PTPRD: variants seen among roughly 807,000 people sequenced by gnomAD.
The protein encoded by PTPRD is protein tyrosine phosphatase receptor type D.
Under a neutral mutation model 214.5 loss-of-function variants are expected in PTPRD, and 34 were observed. That is an observed-to-expected ratio of 0.16 (90% CI 0.12 to 0.21). PTPRD has a LOEUF of 0.21. Among genes scored for constraint, PTPRD ranks in the 10% least tolerant of loss-of-function variants. PTPRD has a pLI of 1.00. For synonymous variants in PTPRD, 1,128 were observed against 845.7 expected (o/e 1.33, Z -5.79); for missense variants, 2,545 against 2,398.7 (o/e 1.06, Z -1.27).
chr9:10,031,452 T>C (rs533418282), intron 4 of PTPRD, among the ~76,000 whole-genome samples: 1 of 151,260 alleles, frequency 6.6e-6, no homozygotes, highest in South Asian at 2.1e-4. Context: ...GGCGAGACTG[T>C]CCCAGCCTCC....
intron 9 of PTPRD, among the ~76,000 whole-genome samples, chr9:9,371,759 A>C (rs2059564812): frequency 1.3e-5 from 2 of 152,002 alleles, no homozygotes; most frequent in Non-Finnish European, 2.9e-5. Context: ...TAGTGCTATA[A>C]ATTTCCCTCT....
rs558640180 is a variant in PTPRD at position 9,603,278 on chromosome 9, C to T, written c.-286-28497G>A. Among the ~76,000 whole-genome samples, 18 of 152,202 alleles carry T rather than the reference C, an allele frequency of 1.2e-4. No individual in the cohort carries two copies. The East Asian group carries it at 2.9e-3, about 25-fold the overall frequency. ...GGGCAATAGTATGAGCTCCTACACC[C>T]CTTGCATAGGCATGAGTCAGACACA... On this transcript the variant is annotated intron_variant, in intron 7 of 45. Transcript: ENST00000381196.
intron 3 of PTPRD, among the ~76,000 whole-genome samples, chr9:10,280,958 T>C (rs1221829953): frequency 4.6e-5 from 7 of 152,268 alleles, no homozygotes; most frequent in Non-Finnish European, 1.0e-4. Context: ...CTAATGCCAG[T>C]GGTTCAGGAA....
intron 10 of PTPRD, among the ~76,000 whole-genome samples, chr9:9,133,762 G>T (rs28567443): frequency 0.053 from 8,124 of 152,190 alleles, 502 homozygotes; most frequent in African/African-American, 0.14. Context: ...TTTTTATCAG[G>T]AGAAACAGCA....
intron 11 of PTPRD, among the ~76,000 whole-genome samples, chr9:8,771,180 C>CAA (rs35840345): frequency 0.72 from 101,702 of 140,874 alleles, 36,703 homozygotes; most frequent in Middle Eastern, 0.81. Flanking sequence ...GATTCCGTCT[C>CAA]AAAAAAAAAA....
chr9:8,839,506 G>A (rs2097515334), intron 11 of PTPRD, among the ~76,000 whole-genome samples: 1 of 151,992 alleles, frequency 6.6e-6, no homozygotes, highest in African/African-American at 2.4e-5. Flanking sequence ...TGTATTTTTA[G>A]TAGAGATGAG....
At chr9:9,704,198 CA>C (rs2097554135) in intron 7 of PTPRD, among the ~76,000 whole-genome samples, 1 of 152,164 alleles carries the variant, frequency 6.6e-6, no homozygotes, top group South Asian at 2.1e-4. Flanking sequence ...AGCACATCTA[CA>C]TACATTTTAA....
intron 11 of PTPRD, chr9:8,860,750 A>G (rs2098087420): frequency 6.6e-6 from 1 of 152,198 alleles, no homozygotes; most frequent in South Asian, 2.1e-4. Flanking sequence ...GAAGCAGGCT[A>G]ATCTTTTGTT....
chr9:9,746,914 A>C (rs1387907418), intron 6 of PTPRD, among the ~76,000 whole-genome samples: 1 of 151,970 alleles, frequency 6.6e-6, no homozygotes, highest in Non-Finnish European at 1.5e-5. Context: ...ACTGCAAAGC[A>C]AAGTTGAATA....
chr9:10,532,525 A>G (rs1017003369), intron 2 of PTPRD: 1 of 149,632 alleles, frequency 6.7e-6, no homozygotes, highest in Non-Finnish European at 1.5e-5. Context: ...CACCTTTTGT[A>G]AGACTTCTGT....
intron 3 of PTPRD, among the ~76,000 whole-genome samples, chr9:10,054,339 T>C (rs995173267): frequency 6.6e-6 from 1 of 152,170 alleles, no homozygotes; most frequent in Non-Finnish European, 1.5e-5. Context: ...TCATGAGGAC[T>C]ACATAATCTA....
intron 12 of PTPRD, among the ~76,000 whole-genome samples, chr9:8,663,666 A>G (rs1406315300): frequency 2.0e-5 from 3 of 151,818 alleles, no homozygotes; most frequent in African/African-American, 7.3e-5. Context: ...TAATTTTTGT[A>G]TTTTATTAGA....
At chr9:9,248,953 T>C (rs1470824947) in intron 9 of PTPRD, among the ~76,000 whole-genome samples, 4 of 152,046 alleles carry the variant, frequency 2.6e-5, no homozygotes, top group African/African-American at 9.7e-5. Flanking sequence ...GGTTCAGTGT[T>C]ATCAGATCTT....
chr9:9,789,550 C>A (rs989877045), intron 5 of PTPRD, among the ~76,000 whole-genome samples: 6 of 152,006 alleles, frequency 3.9e-5, no homozygotes, highest in African/African-American at 1.4e-4. Flanking sequence ...GTAATCCCAG[C>A]ACTTTGGGAG....
At chr9:8,635,423 G>C (rs2096400183) in intron 13 of PTPRD, among the ~76,000 whole-genome samples, 1 of 151,700 alleles carries the variant, frequency 6.6e-6, no homozygotes, top group Non-Finnish European at 1.5e-5. Context: ...AAATATTAAA[G>C]ATATTTTTGT....
At chr9:9,251,251 A>G (rs4626663) in intron 9 of PTPRD, among the ~76,000 whole-genome samples, 31,115 of 151,996 alleles carry the variant, frequency 0.2, 3,791 homozygotes, top group Middle Eastern at 0.32. Flanking sequence ...TGTGAGATTG[A>G]CTGGCATCTG....
At chr9:10,486,560 T>C (rs1487035109) in intron 2 of PTPRD, among the ~76,000 whole-genome samples, 4 of 152,088 alleles carry the variant, frequency 2.6e-5, no homozygotes, top group East Asian at 1.9e-4. Context: ...AGTTTCTTTA[T>C]TGGCCCATTG....
chr9:8,661,877 G>A (rs1161309540), intron 12 of PTPRD, among the ~76,000 whole-genome samples: 1 of 152,138 alleles, frequency 6.6e-6, no homozygotes, highest in Non-Finnish European at 1.5e-5. Context: ...AATATTGAAA[G>A]GGACAGCTAA....
chr9:9,964,083 G>GGCAGAGACGGAC (rs2094530324), intron 4 of PTPRD, among the ~76,000 whole-genome samples: 2 of 148,774 alleles, frequency 1.3e-5, no homozygotes, highest in African/African-American at 2.5e-5. Context: ...CAGAGACGGA[G>GGCAGAGACGGAC]GCAGAGACAG....
Sources: allele counts gnomAD v4.1 joint callset (sites outside exome capture counted in the v4.1 genomes callset), GRCh38; gene constraint gnomAD v4.1.1; transcripts MANE v1.5; gene names NCBI Gene and HGNC (gene_info 2026-07-23, HGNC 2026-07-21).